Variants in SCYL3 observed in about 807,000 individuals in gnomAD.
SCYL3 encodes SCY1 like pseudokinase 3.
SCYL3 carries 35 observed loss-of-function variants against 73.8 expected under a neutral mutation model. The ratio of observed to expected loss-of-function variants is 0.47; its 90% confidence interval spans 0.36 to 0.63. The LOEUF is 0.63. SCYL3 is among the 20% of genes least tolerant of loss of function. The pLI, the probability that SCYL3 is intolerant of heterozygous loss-of-function variation, is 0.00. For synonymous variants in SCYL3, 277 were observed against 295.2 expected, an observed-to-expected ratio of 0.94 and a Z score of 0.63; for missense variants, 712 against 798.9, an observed-to-expected ratio of 0.89 and a Z score of 1.31.
chr1:169,851,900 T>C lies in SCYL3; in HGVS notation c.*1813A>G. The stretch of plus-strand genomic sequence containing the variant: ...GTATTTTCTGGGAACCCTTTGCTAA[T>C]GTGACTGTAGAAGAAGCAAAGAGGT... On this transcript the variant is annotated 3_prime_UTR_variant, in exon 13 of 13. Transcript: ENST00000367771. 4 of 1,614,086 alleles carry C rather than the reference T, an allele frequency of 2.5e-6. No individual in the cohort carries two copies. Among genetic ancestry groups the C allele is most frequent in the Non-Finnish European group, 3.4e-6 (4 of 1,179,958 alleles).
chr1:169,877,105 C>G (rs1183732667), intron 3 of SCYL3, among the ~76,000 whole-genome samples: 2 of 151,670 alleles, frequency 1.3e-5, no homozygotes, highest in African/African-American at 4.8e-5. Context: ...GTTTTTTTCC[C>G]CAAACCAAAA....
chr1:169,868,974 T>G lies in SCYL3; in HGVS notation c.691A>C (p.Lys231Gln). Residue 231 changes from lysine to glutamine, a missense_variant, in exon 7 of 13, where the codon AAA becomes CAA. By Grantham distance (53) the Lys-to-Gln change is moderately conservative. This residue lies in a region of SCYL3 where 342 missense variants were observed against 448.1 expected (regional missense o/e 0.76). Coordinates refer to ENST00000367771, the MANE Select transcript of SCYL3 (RefSeq NM_020423.7). Reference protein sequence around the residue: ...LHSTLLNPIPKCRPALCTLLS... With the variant: ...LHSTLLNPIPQCRPALCTLLS... The stretch of plus-strand genomic sequence containing the variant: ...AAGGTGCAGAGCGCTGGCCGACATT[T>G]TGGAATGGGATTCAGCAAAGTTGAG... 1 of 1,614,152 alleles carries G rather than the reference T, an allele frequency of 6.2e-7. No individual in the cohort carries two copies. The highest frequency in any genetic ancestry group is 8.5e-7 in the Non-Finnish European group (1 of 1,180,016).
chr1:169,852,126 T>C lies in SCYL3; in HGVS notation c.*1587A>G. The C allele has an allele frequency of 2.9e-6, 2 of 691,292 alleles. No individual in the cohort carries two copies. The highest frequency in any genetic ancestry group is 4.9e-6 in the Non-Finnish European group (2 of 411,824). The allele number at this position is 691,292 out of a possible 1,614,324, so 42.8% of individuals were successfully genotyped here. A position where few individuals can be genotyped will look rare whatever the true frequency, so the allele number is the denominator to read the frequency against. On this transcript the variant is annotated 3_prime_UTR_variant, in exon 13 of 13. Transcript: ENST00000367771. ...AGAAGTGGGACTACACCATATCAAA[T>C]ATATTCTTTCAGTATGTTTGAATTA...
Position 169,850,065 on chromosome 1 carries a change from G to T in SCYL3, c.*3648C>A. The T allele has an allele frequency of 3.5e-6, 2 of 571,874 alleles. No homozygotes were observed. The highest frequency in any genetic ancestry group is 6.2e-6 in the Non-Finnish European group (2 of 321,494). 35.4% of individuals were successfully genotyped at this position (571,874 alleles called of 1,614,324 possible). A position where few individuals can be genotyped will look rare whatever the true frequency, so the allele number is the denominator to read the frequency against. ...GTATGACCCAGCAGAAGTAATTAAA[G>T]CTTACAACACTTGTACAGAAGTTAA... On this transcript the variant is annotated 3_prime_UTR_variant, in exon 13 of 13. Coordinates refer to ENST00000367771, the MANE Select transcript of SCYL3 (RefSeq NM_020423.7).
chr1:169,855,684 CATAATT>C, intron 11 of SCYL3: 1 of 978,104 alleles, frequency 1.0e-6, no homozygotes, highest in South Asian at 1.8e-5. Flanking sequence ...AAGCTGACTA[CATAATT>C]ACAAATAAAT....
Position 169,859,078 on chromosome 1 carries a change from G to A in SCYL3, c.1275C>T (p.Ala425=), listed in dbSNP as rs756980397. 6.2e-7 allele frequency: 1 copy of A among 1,613,800 alleles called. No homozygotes were observed. Among genetic ancestry groups the A allele is most frequent in the Non-Finnish European group, 8.5e-7 (1 of 1,179,924 alleles). The change falls in exon 11 of 13, where the codon GCC becomes GCT. Residue 425 remains alanine, a synonymous_variant. Coordinates refer to ENST00000367771, the MANE Select transcript of SCYL3 (RefSeq NM_020423.7). ...GERTKIFKRT[A]PSFTKNTDLS... ...GGTCAGTATTTTTAGTAAAACTTGG[G>A]GCAGTGCGTTTGAAGATCTTGGTTC...
rs909406490 is a variant in SCYL3 at position 169,864,303 on chromosome 1, G to C, written c.955+66C>G. 1.9e-6 allele frequency: 3 copies of C among 1,591,810 alleles called. No homozygotes were observed. The African/African-American group carries it at 4.0e-5, about 21-fold the overall frequency. ...CTACACCACACAGTAATCTCATCCT[G>C]CTCAAATATGGACTAATAATCACCA... On this transcript the variant is annotated intron_variant, in intron 9 of 12. Transcript: ENST00000367771.
chr1:169,852,156 T>C lies in SCYL3; in HGVS notation c.*1557A>G. ...TCTTTCAGTATGTTTGAATTATTGG[T>C]AGTAACCTTTAAGGGAAGTTACATA... On this transcript the variant is annotated 3_prime_UTR_variant, in exon 13 of 13. Coordinates refer to ENST00000367771, the MANE Select transcript of SCYL3 (RefSeq NM_020423.7). 2 of 606,608 alleles carry C rather than the reference T, an allele frequency of 3.3e-6. No homozygotes were observed. Among genetic ancestry groups the C allele is most frequent in the Non-Finnish European group, 5.7e-6 (2 of 350,050 alleles). The allele number at this position is 606,608 out of a possible 1,614,324, so 37.6% of individuals were successfully genotyped here. A position where few individuals can be genotyped will look rare whatever the true frequency, so the allele number is the denominator to read the frequency against.
At chr1:169,858,014 C>G (rs757738851) in intron 11 of SCYL3, among the ~76,000 whole-genome samples, 1 of 152,104 alleles carries the variant, frequency 6.6e-6, no homozygotes, top group Non-Finnish European at 1.5e-5. Flanking sequence ...CTCTGAGTTA[C>G]CAGTGAATGA....
At chr1:169,881,857 A>AT (rs1204871241) in intron 2 of SCYL3, among the ~76,000 whole-genome samples, 2 of 152,262 alleles carry the variant, frequency 1.3e-5, no homozygotes, top group Non-Finnish European at 2.9e-5. Flanking sequence ...TTAGATTGCC[A>AT]TAAGTGCACA....
intron 8 of SCYL3, 137 bp from the exon 9 acceptor site, chr1:169,864,645 A>G: frequency 2.2e-6 from 2 of 913,538 alleles, no homozygotes; most frequent in Non-Finnish European, 1.6e-6. Flanking sequence ...GAAGGTGAAC[A>G]GATTGGTCCC....
chr1:169,849,669 A>G lies in SCYL3; in HGVS notation c.*4044T>C. ...ATTTTAATATTTCAAATATTCCAGA[A>G]CAATCCCAAAACATTTATTGAACTG... is the stretch of plus-strand genomic sequence containing the variant. On this transcript the variant is annotated 3_prime_UTR_variant, in exon 13 of 13. Transcript: ENST00000367771. 1 of 1,284,982 alleles carries G rather than the reference A, an allele frequency of 7.8e-7. No homozygotes were observed. Among genetic ancestry groups the G allele is most frequent in the Admixed American group, 1.8e-5 (1 of 55,606 alleles). 79.6% of individuals were successfully genotyped at this position (1,284,982 alleles called of 1,614,324 possible).
At chr1:169,855,753 T>G in intron 11 of SCYL3, 1 of 1,563,398 alleles carries the variant, frequency 6.4e-7, no homozygotes. Flanking sequence ...AGGAAAACAT[T>G]CATCCAAGCA....
chr1:169,856,289 A>G (rs1416769274), intron 11 of SCYL3, among the ~76,000 whole-genome samples: 1 of 152,232 alleles, frequency 6.6e-6, no homozygotes, highest in Non-Finnish European at 1.5e-5. Context: ...GATTCTACTT[A>G]CTTTCCTTTT....
intron 9 of SCYL3, among the ~76,000 whole-genome samples, chr1:169,863,676 C>A (rs1054826207): frequency 6.6e-6 from 1 of 151,944 alleles, no homozygotes; most frequent in Non-Finnish European, 1.5e-5. Flanking sequence ...AGAGGCACAC[C>A]CCTATGTAAG....
At chr1:169,893,395 G>A (rs937394099) in intron 1 of SCYL3, among the ~76,000 whole-genome samples, 2 of 152,004 alleles carry the variant, frequency 1.3e-5, no homozygotes, top group African/African-American at 4.8e-5. Flanking sequence ...CCGCCCAGCC[G>A]AGCACCCTCG....
intron 1 of SCYL3, among the ~76,000 whole-genome samples, chr1:169,890,396 C>T (rs557903808): frequency 1.3e-5 from 2 of 152,314 alleles, no homozygotes; most frequent in Non-Finnish European, 2.9e-5. Context: ...AAGCAAACTG[C>T]TACAAATACG....
chr1:169,887,791 A>C (rs981513159), intron 2 of SCYL3, among the ~76,000 whole-genome samples: 1 of 152,200 alleles, frequency 6.6e-6, no homozygotes, highest in African/African-American at 2.4e-5. Context: ...ACATCAAATA[A>C]ATTACTGTTG....
intron 3 of SCYL3, among the ~76,000 whole-genome samples, chr1:169,877,172 G>C (rs1471184304): frequency 6.6e-6 from 1 of 152,052 alleles, no homozygotes; most frequent in African/African-American, 2.4e-5. Context: ...TGTAATGTAT[G>C]TATTTATTAC....
Sources: gnomAD v4.1 joint callset for allele counts (sites outside exome capture counted in the v4.1 genomes callset) on GRCh38, gnomAD v4.1.1 for gene constraint, gnomAD v4.1.1 regional missense constraint, MANE v1.5 for transcripts, NCBI Gene and HGNC (gene_info 2026-07-23, HGNC 2026-07-21) for gene names.